The following TSHR variants were observed in gnomAD, a reference collection of about 807,000 sequenced individuals.
The protein encoded by TSHR is thyroid stimulating hormone receptor.
A neutral mutation model predicts 64.1 loss-of-function variants in TSHR; 51 were observed. The observed-to-expected ratio is 0.80, with a 90% confidence interval of 0.64 to 1.01. The LOEUF (loss-of-function observed/expected upper bound fraction) is 1.01. Ranked by LOEUF, TSHR falls within the 50% of genes least tolerant of loss-of-function variation. TSHR has a pLI of 0.00. For missense variants in TSHR, 877 were observed against 942.8 expected, an observed-to-expected ratio of 0.93 and a Z score of 0.91; for synonymous variants, 361 against 361.9, an observed-to-expected ratio of 1.00 and a Z score of 0.03.
chr14:80,991,214 A>G (rs1268300595), intron 1 of TSHR, among the ~76,000 whole-genome samples: 2 of 152,156 alleles, frequency 1.3e-5, no homozygotes, highest in Non-Finnish European at 2.9e-5. Context: ...CTCAGATATA[A>G]CTCGTACCCT....
At chr14:81,130,998 C>CAAAAA (rs76794218) in intron 8 of TSHR, among the ~76,000 whole-genome samples, 1 of 67,318 alleles carries the variant, frequency 1.5e-5, no homozygotes, top group South Asian at 5.4e-4. Context: ...ACTCCGTCTC[C>CAAAAA]AAAAAAAAAA....
intron 1 of TSHR, among the ~76,000 whole-genome samples, chr14:81,054,533 G>A (rs149837445): frequency 1.7e-4 from 26 of 152,298 alleles, no homozygotes; most frequent in African/African-American, 6.0e-4. Flanking sequence ...CTAGAGACTT[G>A]TTGAATGCTT....
chr14:81,135,351 A>C (rs1566831470), intron 8 of TSHR, among the ~76,000 whole-genome samples: 1 of 152,214 alleles, frequency 6.6e-6, no homozygotes, highest in Non-Finnish European at 1.5e-5. Context: ...AAAGCAATAT[A>C]AGATCTGTGT....
Position 81,093,766 on chromosome 14 carries a change from A to C in TSHR, c.545+1158A>C, listed in dbSNP as rs1267156194. On this transcript the variant is annotated intron_variant, in intron 6 of 9. Coordinates refer to ENST00000298171, the MANE Select transcript of TSHR (RefSeq NM_000369.5). ...GAAAAGACAAAGGAGGCTCCTTCTCAGTCATAATTTCTTCTTACCATGCAG... is the reference window on the plus strand; with the variant it reads ...GAAAAGACAAAGGAGGCTCCTTCTCCGTCATAATTTCTTCTTACCATGCAG... The C allele has an allele frequency of 5.3e-5, 8 of 152,162 alleles. No individual in the cohort carries two copies. In the East Asian group the frequency reaches 1.3e-3, roughly 26 times the overall value. 9.4% of individuals were successfully genotyped at this position (152,162 alleles called of 1,614,324 possible). A position where few individuals can be genotyped will look rare whatever the true frequency, so the allele number is the denominator to read the frequency against.
intron 1 of TSHR, among the ~76,000 whole-genome samples, chr14:80,990,425 G>A (rs916581306): frequency 5.9e-5 from 9 of 152,292 alleles, no homozygotes; most frequent in Non-Finnish European, 1.0e-4. Flanking sequence ...CTGTCATCTG[G>A]CCCCTTTGAT....
At chr14:81,011,941 T>C in intron 1 of TSHR, among the ~76,000 whole-genome samples, 1 of 152,126 alleles carries the variant, frequency 6.6e-6, no homozygotes, top group African/African-American at 2.4e-5. Context: ...ATTTATTGAT[T>C]GATTTGTTAT....
At chr14:81,120,252 C>T (rs1055493272) in intron 8 of TSHR, among the ~76,000 whole-genome samples, 2 of 152,150 alleles carry the variant, frequency 1.3e-5, no homozygotes, top group African/African-American at 4.8e-5. Context: ...GCCCACCAGC[C>T]AATAAGCTTC....
At chr14:81,074,246 C>T (rs1239568261) in intron 3 of TSHR, among the ~76,000 whole-genome samples, 1 of 152,118 alleles carries the variant, frequency 6.6e-6, no homozygotes, top group African/African-American at 2.4e-5. Flanking sequence ...AAGGATAATG[C>T]ACCTTGTATT....
intron 1 of TSHR, among the ~76,000 whole-genome samples, chr14:80,976,378 G>A (rs533071503): frequency 1.3e-5 from 2 of 152,244 alleles, no homozygotes; most frequent in Non-Finnish European, 2.9e-5. Context: ...CTGTTGCAGC[G>A]GTTGGTCTGT....
At chr14:81,024,856 C>T (rs996665429) in intron 1 of TSHR, among the ~76,000 whole-genome samples, 1 of 152,010 alleles carries the variant, frequency 6.6e-6, no homozygotes, top group Non-Finnish European at 1.5e-5. Context: ...TTGTATAGAT[C>T]CCATGGTGTT....
At chr14:81,101,821 G>T (rs1344574823) in intron 7 of TSHR, among the ~76,000 whole-genome samples, 2 of 152,152 alleles carry the variant, frequency 1.3e-5, no homozygotes, top group Non-Finnish European at 1.5e-5. Flanking sequence ...GACATGGGGA[G>T]TGTGTGCACA....
intron 3 of TSHR, among the ~76,000 whole-genome samples, chr14:81,077,261 C>T (rs896313984): frequency 1.3e-5 from 2 of 152,184 alleles, no homozygotes; most frequent in African/African-American, 4.8e-5. Context: ...CATTCACTTA[C>T]ACCAAGCTGT....
intron 4 of TSHR, among the ~76,000 whole-genome samples, chr14:81,089,441 A>T (rs764569803): frequency 6.6e-6 from 1 of 152,216 alleles, no homozygotes; most frequent in Non-Finnish European, 1.5e-5. Context: ...AAATAATACA[A>T]TAACCCTTTG....
intron 1 of TSHR, among the ~76,000 whole-genome samples, chr14:80,965,805 T>A (rs2139693898): frequency 6.6e-6 from 1 of 152,362 alleles, no homozygotes; most frequent in East Asian, 1.9e-4. Flanking sequence ...AATTTTTTAA[T>A]TACAAAGTTG....
At chr14:81,024,996 A>G (rs1883972168) in intron 1 of TSHR, among the ~76,000 whole-genome samples, 2 of 152,250 alleles carry the variant, frequency 1.3e-5, no homozygotes, top group South Asian at 4.1e-4. Flanking sequence ...AGTGACATGA[A>G]ATTTTAAGCA....
chr14:80,984,771 A>AT (rs1566748946), intron 1 of TSHR, among the ~76,000 whole-genome samples: 1 of 152,206 alleles, frequency 6.6e-6, no homozygotes, highest in African/African-American at 2.4e-5. Context: ...GATGGATTTT[A>AT]TCTGGCAGTG....
At chr14:80,968,676 A>G (rs1423458988) in intron 1 of TSHR, among the ~76,000 whole-genome samples, 2 of 152,152 alleles carry the variant, frequency 1.3e-5, no homozygotes, top group African/African-American at 4.8e-5. Flanking sequence ...CTTGTCATAT[A>G]TAGCTGCTGT....
intron 7 of TSHR, 106 bp downstream of exon 7, chr14:81,096,813 G>T: frequency 7.9e-7 from 1 of 1,264,384 alleles, no homozygotes; most frequent in Non-Finnish European, 1.1e-6. Flanking sequence ...CATCTTCCAC[G>T]CCAGAGTTAG....
In TSHR at chr14:81,108,403, G is replaced by A. The variant is rs1595127648; in HGVS notation, c.643G>A (p.Val215Ile). 1.2e-6 allele frequency: 2 copies of A among 1,613,330 alleles called. No homozygotes were observed. Among genetic ancestry groups the A allele is most frequent in the East Asian group, 2.2e-5 (1 of 44,846 alleles). Residue 215 changes from valine (V) to isoleucine (I), a missense_variant, in exon 8 of 10, where the codon GTT (valine) becomes ATT (isoleucine). Val to Ile is a conservative substitution (Grantham distance 29, BLOSUM62 3). Transcript: ENST00000298171. ...VYLNKNKYLT[V>I]IDKDAFGGVY... ...CCTAAACAAGAATAAATACCTGACAGTTATTGACAAAGATGCATTTGGAGG... is the reference window on the plus strand; with the variant it reads ...CCTAAACAAGAATAAATACCTGACAATTATTGACAAAGATGCATTTGGAGG...
Sources: allele counts gnomAD v4.1 joint callset (sites outside exome capture counted in the v4.1 genomes callset), GRCh38; gene constraint gnomAD v4.1.1; transcripts MANE v1.5; gene names NCBI Gene and HGNC (gene_info 2026-07-23, HGNC 2026-07-21).